IFRD1: variants seen among roughly 807,000 people sequenced by gnomAD.
The protein encoded by IFRD1 is interferon related developmental regulator 1, also known as interferon-related developmental regulator 1.
Under a neutral mutation model 52.9 loss-of-function variants are expected in IFRD1, and 35 were observed. The observed-to-expected ratio is 0.66, with a 90% CI of 0.51 to 0.88. IFRD1 has a LOEUF of 0.88. Ranked by LOEUF, IFRD1 falls within the 40% of genes least tolerant of loss-of-function variation. IFRD1 has a pLI of 0.00. For missense variants in IFRD1, 517 were observed against 550.8 expected, an observed-to-expected ratio of 0.94 and a Z score of 0.61; for synonymous variants, 184 against 188.4, an observed-to-expected ratio of 0.98 and a Z score of 0.19.
At chr7:112,452,052 CTT>C (rs1477612802) in intron 1 of IFRD1, 1 of 980,846 alleles carries the variant, frequency 1.0e-6, no homozygotes, top group East Asian at 1.1e-4. Flanking sequence ...TTAGGTGCCT[CTT>C]TATTTTGAAT....
chr7:112,439,056 G>A (rs1020096753), intron 1 of IFRD1, among the ~76,000 whole-genome samples: 4 of 152,144 alleles, frequency 2.6e-5, no homozygotes, highest in African/African-American at 9.7e-5. Flanking sequence ...TCTTAATCTG[G>A]AAGCCAAAGA....
intron 8 of IFRD1, among the ~76,000 whole-genome samples, chr7:112,466,244 C>T (rs1361409571): frequency 6.6e-6 from 1 of 151,802 alleles, no homozygotes; most frequent in African/African-American, 2.4e-5. Context: ...TTATTTTCTT[C>T]CTTCCTTTTT....
Position 112,445,163 on chromosome 7 carries a change from T to C in IFRD1, c.-181-5345T>C, listed in dbSNP as rs185094679. 7.5e-3 allele frequency among the ~76,000 whole-genome samples: 1,114 copies of C among 149,464 alleles called. 15 individuals are homozygous for C. The highest frequency in any genetic ancestry group is 0.027 in the African/African-American group (1,058 of 39,864). ...CTCACTGCAAGCTCCGCTTCCCGAG[T>C]TCATGCCATTCTCCTGCCTCAGCCT... is the stretch of plus-strand genomic sequence containing the variant. On this transcript the variant is annotated intron_variant, in intron 1 of 12. Coordinates refer to the IFRD1 transcript ENST00000005558.
chr7:112,475,698 T>C lies in IFRD1; in HGVS notation c.*179T>C. 1 of 571,554 alleles carries C rather than the reference T, an allele frequency of 1.7e-6. No homozygotes were observed. The highest frequency in any genetic ancestry group is 2.9e-5 in the East Asian group (1 of 34,108). The allele number at this position is 571,554 out of a possible 1,614,324, so 35.4% of individuals were successfully genotyped here. On this transcript the variant is annotated 3_prime_UTR_variant, in exon 12 of 12. Transcript: ENST00000403825. Reference sequence around the variant, plus strand: ...ACTGGTGAGTTCTGATTATTAAATATTCTCTGTAAATCAGTAAACATGTAT... The same window carrying C: ...ACTGGTGAGTTCTGATTATTAAATACTCTCTGTAAATCAGTAAACATGTAT...
rs1795899529 is a variant in IFRD1 at position 112,476,211 on chromosome 7, A to G, written c.*692A>G. On this transcript the variant is annotated 3_prime_UTR_variant, in exon 12 of 12. Transcript: ENST00000403825. ...ACTGAAAGTGCTTCTCTTCTAATAG[A>G]AGAAATATTATTTATGGCTTTGAGG... 1 of 152,270 alleles carries G rather than the reference A, an allele frequency of 6.6e-6. No individual in the cohort carries two copies. Among genetic ancestry groups the G allele is most frequent in the Admixed American group, 6.5e-5 (1 of 15,280 alleles). 9.4% of individuals were successfully genotyped at this position (152,270 alleles called of 1,614,324 possible).
intron 1 of IFRD1, among the ~76,000 whole-genome samples, chr7:112,430,295 T>C (rs1794520879): frequency 6.6e-6 from 1 of 152,204 alleles, no homozygotes; most frequent in South Asian, 2.1e-4. Context: ...CTCCTGATTG[T>C]TGTGGTACTT....
intron 1 of IFRD1, among the ~76,000 whole-genome samples, chr7:112,444,650 C>T (rs1419986348): frequency 6.6e-6 from 1 of 152,094 alleles, no homozygotes; most frequent in African/African-American, 2.4e-5. Context: ...CTGAATGTCC[C>T]CTGTATACTG....
intron 1 of IFRD1, among the ~76,000 whole-genome samples, chr7:112,436,838 G>A (rs1397578434): frequency 6.6e-6 from 1 of 152,074 alleles, no homozygotes; most frequent in Admixed American, 6.6e-5. Context: ...ACTTGATTAA[G>A]GTCTTATATA....
chr7:112,461,842 A>G (rs1206104575), intron 5 of IFRD1, 24 bp from the exon 6 acceptor site: 1 of 1,219,742 alleles, frequency 8.2e-7, no homozygotes. Flanking sequence ...ATTAATGTCT[A>G]TATATATATA....
intron 1 of IFRD1, among the ~76,000 whole-genome samples, chr7:112,455,156 G>A (rs927977222): frequency 9.9e-5 from 15 of 151,188 alleles, no homozygotes; most frequent in African/African-American, 1.9e-4. Flanking sequence ...GAGCCACCGC[G>A]CCCACCTTTG....
intron 4 of IFRD1, chr7:112,457,298 G>T: frequency 1.7e-6 from 1 of 574,742 alleles, no homozygotes; most frequent in Non-Finnish European, 3.1e-6. Context: ...ATCAGAAGAG[G>T]TGATGGTCAT....
chr7:112,460,842 C>A (rs1482841603), intron 5 of IFRD1, among the ~76,000 whole-genome samples: 2 of 151,952 alleles, frequency 1.3e-5, no homozygotes, highest in Non-Finnish European at 2.9e-5. Context: ...ATGCTTAGAA[C>A]AACATGAGGG....
intron 1 of IFRD1, among the ~76,000 whole-genome samples, chr7:112,451,782 G>A (rs959704175): frequency 2.0e-5 from 3 of 152,172 alleles, no homozygotes; most frequent in Admixed American, 6.5e-5. Context: ...TTAAACAGGA[G>A]TTAAATATTG....
At chr7:112,431,142 G>A (rs1020292814) in intron 1 of IFRD1, among the ~76,000 whole-genome samples, 2 of 152,200 alleles carry the variant, frequency 1.3e-5, no homozygotes, top group Non-Finnish European at 2.9e-5. Context: ...GACACCATTA[G>A]TGCTTTACAG....
chr7:112,462,805 A>C (rs1035439872), intron 8 of IFRD1, among the ~76,000 whole-genome samples: 17 of 136,302 alleles, frequency 1.2e-4, no homozygotes, highest in Admixed American at 2.3e-4. Flanking sequence ...TAACTTCTCT[A>C]AGCCAAAGAT....
chr7:112,471,352 A>C (rs1795740601), intron 9 of IFRD1, among the ~76,000 whole-genome samples: 1 of 152,130 alleles, frequency 6.6e-6, no homozygotes, highest in East Asian at 1.9e-4. Context: ...TCTAGGGTTG[A>C]CGGTCTTTTC....
chr7:112,450,146 C>G (rs530366899), upstream of IFRD1: 1 of 159,110 alleles, frequency 6.3e-6, no homozygotes, highest in East Asian at 1.9e-4. Flanking sequence ...CGGGGGCGCG[C>G]CGAGGCAGGG....
intron 1 of IFRD1, among the ~76,000 whole-genome samples, chr7:112,441,326 C>T (rs987476603): frequency 6.6e-6 from 1 of 151,770 alleles, no homozygotes; most frequent in African/African-American, 2.4e-5. Flanking sequence ...CATGGTGGTG[C>T]ACACCTGTAG....
chr7:112,456,140 A>G (rs992989418), intron 3 of IFRD1, 54 bp downstream of exon 3: 2 of 985,058 alleles, frequency 2.0e-6, no homozygotes, highest in African/African-American at 3.2e-5. Flanking sequence ...ATCTTAGTCA[A>G]AAGCTAAGAG....
Sources: allele counts gnomAD v4.1 joint callset (sites outside exome capture counted in the v4.1 genomes callset), GRCh38; gene constraint gnomAD v4.1.1; transcripts MANE v1.5; gene names NCBI Gene and HGNC (gene_info 2026-07-23, HGNC 2026-07-21).